SDK1: variants seen among roughly 807,000 people sequenced by gnomAD.
SDK1 encodes the protein protein sidekick-1.
SDK1 carries 157 observed loss-of-function variants against 245.5 expected under a neutral mutation model. That is an observed-to-expected ratio of 0.64 (90% CI 0.56 to 0.73). The LOEUF (loss-of-function observed/expected upper bound fraction) is 0.73, where lower values mean the gene tolerates loss of function less well. Among genes scored for constraint, SDK1 ranks in the 30% least tolerant of loss-of-function variants. The pLI is 0.00. For missense variants in SDK1, 3,583 were observed against 3,002.3 expected (o/e 1.19, Z -4.52); for synonymous variants, 1,647 against 1,278.5 (o/e 1.29, Z -6.15).
intron 2 of SDK1, among the ~76,000 whole-genome samples, chr7:3,635,152 G>A (rs1380432080): frequency 1.3e-5 from 2 of 152,070 alleles, no homozygotes; most frequent in Non-Finnish European, 2.9e-5. Context: ...TTAAATAAAT[G>A]GCATTGGCTC....
intron 4 of SDK1, among the ~76,000 whole-genome samples, chr7:3,784,788 A>T (rs1189836938): frequency 6.6e-6 from 1 of 152,214 alleles, no homozygotes; most frequent in Non-Finnish European, 1.5e-5. Context: ...GTGGAAAACT[A>T]TGTGGAGATT....
chr7:3,783,640 A>G (rs182300694), intron 4 of SDK1, among the ~76,000 whole-genome samples: 4 of 152,360 alleles, frequency 2.6e-5, no homozygotes, highest in Non-Finnish European at 5.9e-5. Flanking sequence ...TTACTTAGGA[A>G]TAAGTTCAAA....
At chr7:4,045,416 G>T (rs1193438869) in intron 17 of SDK1, among the ~76,000 whole-genome samples, 3 of 151,722 alleles carry the variant, frequency 2.0e-5, no homozygotes, top group South Asian at 2.1e-4. Flanking sequence ...CTACTTTTTT[G>T]ATTTTTTTTT....
chr7:4,134,126 G>T (rs1778884672), intron 28 of SDK1, among the ~76,000 whole-genome samples: 1 of 152,124 alleles, frequency 6.6e-6, no homozygotes, highest in African/African-American at 2.4e-5. Flanking sequence ...TTGAGCCCTT[G>T]CTTCCCTGAG....
chr7:3,353,892 A>T (rs1426909024), intron 1 of SDK1, among the ~76,000 whole-genome samples: 3 of 96,206 alleles, frequency 3.1e-5, no homozygotes, highest in African/African-American at 1.8e-4. Context: ...CGTCCTCCTC[A>T]TCCATGAGGT....
intron 17 of SDK1, among the ~76,000 whole-genome samples, chr7:4,047,200 CAATT>C (rs1789083211): frequency 6.6e-6 from 1 of 152,054 alleles, no homozygotes; most frequent in Non-Finnish European, 1.5e-5. Flanking sequence ...TAAAAAATCA[CAATT>C]GATTATTAAA....
intron 1 of SDK1, among the ~76,000 whole-genome samples, chr7:3,366,205 A>G (rs984070536): frequency 1.3e-5 from 2 of 152,230 alleles, no homozygotes; most frequent in Admixed American, 6.5e-5. Flanking sequence ...AAAGTTCTAC[A>G]TAGAGAAGCA....
chr7:3,404,868 T>TTGTGCTCTG (rs1237884353), intron 1 of SDK1, among the ~76,000 whole-genome samples: 1 of 152,210 alleles, frequency 6.6e-6, no homozygotes, highest in Non-Finnish European at 1.5e-5. Flanking sequence ...AATGTTAATT[T>TTGTGCTCTG]TGTGCTCTGT....
intron 1 of SDK1, among the ~76,000 whole-genome samples, chr7:3,330,014 A>C (rs983723242): frequency 6.6e-6 from 1 of 152,238 alleles, no homozygotes; most frequent in African/African-American, 2.4e-5. Context: ...TATGGATACC[A>C]AGTAGATGTC....
intron 1 of SDK1, among the ~76,000 whole-genome samples, chr7:3,574,800 T>C (rs1267162855): frequency 1.3e-5 from 2 of 152,048 alleles, no homozygotes; most frequent in Non-Finnish European, 2.9e-5. Context: ...AGACAGATGA[T>C]GAAAGGTGAC....
intron 8 of SDK1, among the ~76,000 whole-genome samples, chr7:3,962,024 C>T (rs1342219348): frequency 2.0e-5 from 3 of 152,070 alleles, no homozygotes; most frequent in Non-Finnish European, 4.4e-5. Flanking sequence ...AACACGTAGA[C>T]ACATGCACAT....
At chr7:3,537,239 C>T (rs1429841921) in intron 1 of SDK1, among the ~76,000 whole-genome samples, 2 of 152,210 alleles carry the variant, frequency 1.3e-5, no homozygotes, top group African/African-American at 4.8e-5. Flanking sequence ...TTGTGTCTGA[C>T]TATCCCATTA....
intron 4 of SDK1, among the ~76,000 whole-genome samples, chr7:3,806,659 G>A (rs1306964131): frequency 6.6e-6 from 1 of 151,788 alleles, no homozygotes; most frequent in Non-Finnish European, 1.5e-5. Flanking sequence ...ATGTGACGAG[G>A]ACTAAGAACA....
intron 4 of SDK1, among the ~76,000 whole-genome samples, chr7:3,668,166 G>T (rs748811354): frequency 1.9e-4 from 29 of 152,262 alleles, no homozygotes; most frequent in South Asian, 2.1e-4. Flanking sequence ...AAGCTGCCCT[G>T]AAACCCATCT....
intron 5 of SDK1, among the ~76,000 whole-genome samples, chr7:3,893,086 T>C (rs943402512): frequency 3.3e-5 from 5 of 152,314 alleles, no homozygotes; most frequent in South Asian, 2.1e-4. Context: ...CCTCTGACTC[T>C]GTTTCCTCAT....
intron 32 of SDK1, among the ~76,000 whole-genome samples, chr7:4,173,799 T>C (rs921672973): frequency 2.0e-5 from 3 of 151,796 alleles, no homozygotes; most frequent in Admixed American, 1.3e-4. Context: ...ACAGCCTGGA[T>C]GGCCAGGGGA....
At chr7:3,714,064 G>A (rs1030277165) in intron 4 of SDK1, among the ~76,000 whole-genome samples, 4 of 152,196 alleles carry the variant, frequency 2.6e-5, no homozygotes, top group African/African-American at 7.2e-5. Flanking sequence ...GCAGCAAGTC[G>A]TGAGCCGGCT....
intron 1 of SDK1, among the ~76,000 whole-genome samples, chr7:3,354,510 A>C (rs1199445221): frequency 4.6e-5 from 7 of 152,216 alleles, no homozygotes; most frequent in Admixed American, 2.6e-4. Flanking sequence ...TAAAAGTTAA[A>C]GTTAACAGTC....
At chr7:3,387,266 T>C (rs1250331479) in intron 1 of SDK1, among the ~76,000 whole-genome samples, 1 of 152,112 alleles carries the variant, frequency 6.6e-6, no homozygotes, top group Non-Finnish European at 1.5e-5. Flanking sequence ...AGAGCACCTT[T>C]AATAGCCCTC....
Sources: gnomAD v4.1 joint callset for allele counts (sites outside exome capture counted in the v4.1 genomes callset) on GRCh38, gnomAD v4.1.1 for gene constraint, MANE v1.5 for transcripts, NCBI Gene and HGNC (gene_info 2026-07-23, HGNC 2026-07-21) for gene names.